MAGI2: variants seen among roughly 807,000 people sequenced by gnomAD.
The protein encoded by MAGI2 is membrane associated guanylate kinase, WW and PDZ domain containing 2.
In MAGI2, 35 loss-of-function variants were observed where a neutral mutation model predicts 133.3. That is an observed-to-expected ratio of 0.26 (90% confidence interval 0.20 to 0.35). The LOEUF is 0.35. MAGI2 is among the 10% of genes least tolerant of loss of function. MAGI2 has a pLI of 1.00. For missense variants in MAGI2, 1,636 were observed against 1,863.4 expected (o/e 0.88, Z 2.25); for synonymous variants, 729 against 710.6 (o/e 1.03, Z -0.41).
intron 1 of MAGI2, among the ~76,000 whole-genome samples, chr7:79,445,128 C>G (rs1433925492): frequency 1.3e-5 from 2 of 152,200 alleles, no homozygotes; most frequent in Admixed American, 6.5e-5. Flanking sequence ...AAAGCTGAAA[C>G]TGGATCTCTT....
chr7:78,086,752 AGCCCCCCAAGTAGCTGGGACCACAGGCGT>A (rs1816687090), intron 20 of MAGI2, among the ~76,000 whole-genome samples: 1 of 151,588 alleles, frequency 6.6e-6, no homozygotes, highest in South Asian at 2.1e-4. Flanking sequence ...CTCCTGCCTC[AGCCCCCCAAGTAGCTGGGACCACAGGCGT>A]GCACTACTAT....
intron 3 of MAGI2, among the ~76,000 whole-genome samples, chr7:78,587,106 T>C (rs1193805804): frequency 1.3e-5 from 2 of 152,180 alleles, no homozygotes; most frequent in East Asian, 3.8e-4. Context: ...AGAAGTGAAA[T>C]TGCTGGATTG....
At chr7:78,858,139 C>T (rs1417978466) in intron 2 of MAGI2, among the ~76,000 whole-genome samples, 1 of 151,842 alleles carries the variant, frequency 6.6e-6, no homozygotes, top group Non-Finnish European at 1.5e-5. Flanking sequence ...GATTCCTCTC[C>T]ATTTTCTTCT....
intron 3 of MAGI2, among the ~76,000 whole-genome samples, chr7:78,564,362 C>T (rs1042392743): frequency 6.6e-6 from 1 of 152,174 alleles, no homozygotes; most frequent in African/African-American, 2.4e-5. Flanking sequence ...AAACATTCTG[C>T]TTTAGATTAA....
intron 6 of MAGI2, among the ~76,000 whole-genome samples, chr7:78,474,821 T>A (rs1240203448): frequency 6.6e-6 from 1 of 151,606 alleles, no homozygotes; most frequent in Admixed American, 6.6e-5. Context: ...TTAAATAATA[T>A]TTAATTTTAA....
intron 1 of MAGI2, among the ~76,000 whole-genome samples, chr7:79,074,220 T>G (rs1473539242): frequency 2.0e-5 from 3 of 152,204 alleles, no homozygotes; most frequent in Non-Finnish European, 4.4e-5. Context: ...GTTACCATCT[T>G]AGGCATCTAA....
At chr7:79,234,948 A>T (rs1014820401) in intron 1 of MAGI2, among the ~76,000 whole-genome samples, 1 of 151,682 alleles carries the variant, frequency 6.6e-6, no homozygotes, top group African/African-American at 2.4e-5. Flanking sequence ...GTCTTTGATG[A>T]TGGTGATGTA....
chr7:78,298,285 G>A (rs1797491802), intron 9 of MAGI2, among the ~76,000 whole-genome samples: 1 of 152,122 alleles, frequency 6.6e-6, no homozygotes, highest in African/African-American at 2.4e-5. Context: ...ACAACTAAAT[G>A]TAATGTGGTA....
chr7:78,998,143 G>C (rs1282174389), intron 2 of MAGI2, among the ~76,000 whole-genome samples: 1 of 152,164 alleles, frequency 6.6e-6, no homozygotes, highest in Non-Finnish European at 1.5e-5. Context: ...AAATCTGAAA[G>C]TACATGCATG....
chr7:78,673,266 A>T (rs910883170), intron 2 of MAGI2, among the ~76,000 whole-genome samples: 5 of 152,034 alleles, frequency 3.3e-5, no homozygotes, highest in African/African-American at 1.2e-4. Flanking sequence ...CCAATAGAAT[A>T]TATGTGTGTG....
intron 2 of MAGI2, among the ~76,000 whole-genome samples, chr7:78,836,500 G>C (rs1462589334): frequency 6.6e-6 from 1 of 152,058 alleles, no homozygotes. Context: ...CTTATTGATA[G>C]AGAGTACTGA....
At position 78,623,173 on chromosome 7, in the gene MAGI2, T is replaced by C. The variant is rs1243222872; in HGVS notation, c.538+3947A>G. 9.9e-5 allele frequency among the ~76,000 whole-genome samples: 15 copies of C among 152,070 alleles called. 1 individual carries two copies. Among genetic ancestry groups the C allele is most frequent in the Non-Finnish European group, 1.5e-5 (1 of 67,978 alleles). Reference sequence around the variant, plus strand: ...TACCATTAACATTTGACATAATTTTTCAGCTTATATAAAATCAGTTTAGAG... The same window carrying C: ...TACCATTAACATTTGACATAATTTTCCAGCTTATATAAAATCAGTTTAGAG... On this transcript the variant is annotated intron_variant, in intron 3 of 21. Coordinates refer to ENST00000354212, the MANE Select transcript of MAGI2 (RefSeq NM_012301.4).
At chr7:79,073,896 T>C (rs1226771518) in intron 1 of MAGI2, among the ~76,000 whole-genome samples, 4 of 151,976 alleles carry the variant, frequency 2.6e-5, no homozygotes, top group African/African-American at 7.3e-5. Flanking sequence ...TCCTAACTTC[T>C]TTCTTCCAGT....
intron 1 of MAGI2, among the ~76,000 whole-genome samples, chr7:79,345,360 T>C (rs1289879627): frequency 2.0e-5 from 3 of 152,112 alleles, no homozygotes; most frequent in Admixed American, 1.3e-4. Context: ...GCATAGATTC[T>C]TTCTCACAGG....
chr7:78,342,552 A>T (rs1790500462), intron 9 of MAGI2, among the ~76,000 whole-genome samples: 1 of 152,230 alleles, frequency 6.6e-6, no homozygotes, highest in Non-Finnish European at 1.5e-5. Flanking sequence ...AAGACTTGGA[A>T]CCAACCTAAA....
At chr7:78,893,058 A>T (rs987232421) in intron 2 of MAGI2, among the ~76,000 whole-genome samples, 3 of 152,064 alleles carry the variant, frequency 2.0e-5, no homozygotes, top group Non-Finnish European at 2.9e-5. Flanking sequence ...CCCCATCAAA[A>T]AGTGGGCAAA....
chr7:78,262,681 C>T (rs1793626310), intron 9 of MAGI2, among the ~76,000 whole-genome samples: 1 of 152,146 alleles, frequency 6.6e-6, no homozygotes, highest in African/African-American at 2.4e-5. Context: ...CAAAGATTTA[C>T]ACATATTCAA....
intron 1 of MAGI2, among the ~76,000 whole-genome samples, chr7:79,448,853 G>C (rs141889863): frequency 6.6e-6 from 1 of 152,212 alleles, no homozygotes; most frequent in Non-Finnish European, 1.5e-5. Flanking sequence ...AATAGGGACA[G>C]TACAGATAAA....
At chr7:78,570,579 A>G (rs1232246644) in intron 3 of MAGI2, among the ~76,000 whole-genome samples, 3 of 152,174 alleles carry the variant, frequency 2.0e-5, no homozygotes, top group African/African-American at 7.2e-5. Context: ...TACAGCATGC[A>G]GTTCTGTGAT....
Sources: allele counts gnomAD v4.1 joint callset (sites outside exome capture counted in the v4.1 genomes callset), GRCh38; gene constraint gnomAD v4.1.1; transcripts MANE v1.5; gene names NCBI Gene and HGNC (gene_info 2026-07-23, HGNC 2026-07-21).